The following PAX6 variants were observed in gnomAD, a reference collection of about 807,000 sequenced individuals.
PAX6 encodes paired box 6.
Under a neutral mutation model 60.7 loss-of-function variants are expected in PAX6, and 7 were observed. That is an observed-to-expected ratio of 0.12 (90% confidence interval 0.07 to 0.22). PAX6 has a LOEUF of 0.22. Ranked by LOEUF, PAX6 falls within the 10% of genes least tolerant of loss-of-function variation. The probability of loss-of-function intolerance (pLI) is 1.00; values close to 1 mark genes in which losing one functional copy is unlikely to be tolerated. For synonymous variants in PAX6, 208 were observed against 201.2 expected (o/e 1.03, Z -0.29); for missense variants, 355 against 555.2 (o/e 0.64, Z 3.62).
intron 7 of PAX6, chr11:31,801,179 C>T: frequency 2.5e-6 from 3 of 1,192,560 alleles, no homozygotes; most frequent in Non-Finnish European, 2.2e-6. Flanking sequence ...TGTTGTAAAG[C>T]TTTCTTTCAT....
upstream of PAX6, chr11:31,812,721 A>G (rs974556404): frequency 5.9e-5 from 9 of 152,102 alleles, no homozygotes; most frequent in African/African-American, 2.2e-4. Context: ...TGCTGTACAC[A>G]CCCCAGGACA....
upstream of PAX6, among the ~76,000 whole-genome samples, chr11:31,815,448 C>T (rs922096551): frequency 2.0e-5 from 3 of 152,096 alleles, no homozygotes; most frequent in Admixed American, 6.5e-5. Context: ...ACGACCCGGT[C>T]CTGCGATTTG....
chr11:31,810,105 T>G (rs1956733862), intron 2 of PAX6: 1 of 152,332 alleles, frequency 6.6e-6, no homozygotes, highest in Non-Finnish European at 1.5e-5. Flanking sequence ...GAGCGCGCGT[T>G]CCACCGCCTT....
At chr11:31,801,969 T>A in intron 5 of PAX6, 57 bp from the exon 6 acceptor site, 1 of 1,400,942 alleles carries the variant, frequency 7.1e-7, no homozygotes, top group Non-Finnish European at 1.0e-6. Flanking sequence ...AGAGCTTTTT[T>A]TCTTAAAATT....
chr11:31,805,700 A>ACTTG (rs1955572526), intron 4 of PAX6: 1 of 152,702 alleles, frequency 6.5e-6, no homozygotes, highest in Non-Finnish European at 1.5e-5. Context: ...AGGGAGGTAC[A>ACTTG]AGGGCCATAA....
intron 12 of PAX6, chr11:31,791,622 G>T (rs533575399): frequency 6.5e-6 from 1 of 153,016 alleles, no homozygotes; most frequent in South Asian, 2.1e-4. Flanking sequence ...ATTAAAAGAA[G>T]TGTGTCGGGA....
chr11:31,808,550 G>C (rs142176751), intron 2 of PAX6: 1 of 152,222 alleles, frequency 6.6e-6, no homozygotes, highest in Non-Finnish European at 1.5e-5. Context: ...CCCCTAGGAG[G>C]GGTAAAACTT....
intron 4 of PAX6, 121 bp downstream of exon 4, chr11:31,806,279 TCC>T: frequency 8.6e-7 from 1 of 1,156,540 alleles, no homozygotes; most frequent in East Asian, 2.8e-5. Flanking sequence ...CCGCCGCAGG[TCC>T]CCGGGCCTCA....
Position 31,802,960 on chromosome 11 carries a change from G to T in PAX6, c.11-126C>A, listed in dbSNP as rs1360817913. The T allele has an allele frequency of 3.1e-6, 3 of 955,928 alleles. No homozygotes were observed. In the East Asian group the frequency reaches 7.9e-5, roughly 25 times the overall value. The allele number at this position is 955,928 out of a possible 1,614,324, so 59.2% of individuals were successfully genotyped here. A position where few individuals can be genotyped will look rare whatever the true frequency, so the allele number is the denominator to read the frequency against. On this transcript the variant is annotated intron_variant, in intron 4 of 13. Transcript: ENST00000640368. ...AGAACAGAAAGGAGAGGAGGAAGGG[G>T]AAGAGGAAGAAGGAGAGGAGGAGGA...
chr11:31,798,165 G>A (rs927487313), intron 8 of PAX6, among the ~76,000 whole-genome samples: 3 of 148,704 alleles, frequency 2.0e-5, no homozygotes, highest in African/African-American at 7.4e-5. Flanking sequence ...TGAAAGAGAG[G>A]CTGACTAAAT....
At chr11:31,800,422 C>T (rs933208912) in intron 8 of PAX6, 14 of 569,590 alleles carry the variant, frequency 2.5e-5, no homozygotes, top group Non-Finnish European at 4.1e-5. Flanking sequence ...CTTATGCACA[C>T]AGTGCTGCCC....
chr11:31,816,989 GACTC>G (rs1055948794), intron 1 of PAX6, among the ~76,000 whole-genome samples: 2 of 152,220 alleles, frequency 1.3e-5, no homozygotes, highest in African/African-American at 4.8e-5. Flanking sequence ...TCCCTTCCCT[GACTC>G]ACTAAGGGGA....
intron 5 of PAX6, 116 bp from the exon 6 acceptor site, chr11:31,802,028 T>A: frequency 2.3e-6 from 2 of 882,380 alleles, no homozygotes; most frequent in Non-Finnish European, 3.6e-6. Context: ...TTCAAACAAT[T>A]TGAACTAAAA....
chr11:31,795,653 A>G (rs1442823688), intron 8 of PAX6, among the ~76,000 whole-genome samples: 1 of 152,270 alleles, frequency 6.6e-6, no homozygotes, highest in Non-Finnish European at 1.5e-5. Flanking sequence ...ATTTTTAATT[A>G]GGGCATTTCC....
intron 8 of PAX6, among the ~76,000 whole-genome samples, chr11:31,796,878 GTCGAGGAGGGCTAC>G (rs939640389): frequency 3.3e-4 from 50 of 152,206 alleles, no homozygotes; most frequent in African/African-American, 1.2e-3. Flanking sequence ...AAAGGTGGGG[GTCGAGGAGGGCTAC>G]TTAGCTGAGG....
intron 8 of PAX6, among the ~76,000 whole-genome samples, chr11:31,799,922 G>A (rs902572245): frequency 6.6e-6 from 1 of 151,904 alleles, no homozygotes; most frequent in Non-Finnish European, 1.5e-5. Flanking sequence ...GGAGGGGAGC[G>A]GAGGGGAGCC....
At chr11:31,794,528 C>T in intron 9 of PAX6, 102 bp downstream of exon 9, 1 of 1,171,038 alleles carries the variant, frequency 8.5e-7, no homozygotes, top group Non-Finnish European at 1.3e-6. Context: ...GAAATCTTTT[C>T]ATTCTTCTAT....
chr11:31,812,414 C>T (rs1245956936), upstream of PAX6: 1 of 152,286 alleles, frequency 6.6e-6, no homozygotes, highest in East Asian at 1.9e-4. Context: ...GCGTGTGTCT[C>T]CGCACCACGA....
At chr11:31,801,509 G>A (rs1362520462) in intron 7 of PAX6, 52 bp downstream of exon 7, 1 of 1,613,098 alleles carries the variant, frequency 6.2e-7, no homozygotes, top group African/African-American at 1.3e-5. Flanking sequence ...AGGTAAAGAG[G>A]AGAGAGCATT....
Sources: allele counts gnomAD v4.1 joint callset (sites outside exome capture counted in the v4.1 genomes callset), GRCh38; gene constraint gnomAD v4.1.1; transcripts MANE v1.5; gene names NCBI Gene and HGNC (gene_info 2026-07-23, HGNC 2026-07-21).